The following WDR44 variants were observed in gnomAD, a reference collection of about 807,000 sequenced individuals.
The protein encoded by WDR44 is WD repeat domain 44, also known as WD repeat-containing protein 44.
In WDR44, 9 loss-of-function variants were observed where a neutral mutation model predicts 65.7. The observed-to-expected ratio is 0.14, with a 90% CI of 0.08 to 0.24. The LOEUF (loss-of-function observed/expected upper bound fraction) is 0.24. WDR44 is among the 10% of genes least tolerant of loss of function. The pLI is 1.00. For synonymous variants in WDR44, 220 were observed against 235.2 expected, an observed-to-expected ratio of 0.94 and a Z score of 0.59; for missense variants, 425 against 670.9, an observed-to-expected ratio of 0.63 and a Z score of 4.05.
chrX:118,446,974 A>G lies in WDR44; in HGVS notation c.2648-1919A>G, dbSNP rs531520598. 176 of 275,108 alleles carry G rather than the reference A, an allele frequency of 6.4e-4. 1 individual carries two copies. Among genetic ancestry groups the G allele is most frequent in the South Asian group, 5.7e-3 (158 of 27,670 alleles). The allele number at this position is 275,108 out of a possible 1,213,427, so 22.7% of individuals were successfully genotyped here. A position where few individuals can be genotyped will look rare whatever the true frequency, so the allele number is the denominator to read the frequency against. ...AACGTTGAACTCCTGTGCTCAAGCA[A>G]TCTTCCTGCCTCAGCATCCCGAGTA... is the stretch of plus-strand genomic sequence containing the variant. On this transcript the variant is annotated intron_variant, in intron 19 of 19. Transcript: ENST00000254029.
At chrX:118,414,257 C>CTTTTTTTTT (rs565805780) in intron 12 of WDR44, among the ~76,000 whole-genome samples, 7 of 46,693 alleles carry the variant, frequency 1.5e-4, no homozygotes, top group African/African-American at 3.1e-4. Flanking sequence ...CTTGCGATTG[C>CTTTTTTTTT]TTTTTTTTTT....
At position 118,378,363 on chromosome X, in the gene WDR44, G is replaced by A. The variant is rs368873392; in HGVS notation, c.78-56G>A. 17 of 1,000,043 alleles carry A rather than the reference G, an allele frequency of 1.7e-5. No individual in the cohort carries two copies. In the African/African-American group the frequency reaches 2.3e-4, roughly 13 times the overall value. The allele number at this position is 1,000,043 out of a possible 1,213,427, so 82.4% of individuals were successfully genotyped here. On this transcript the variant is annotated intron_variant, in intron 1 of 19. Transcript: ENST00000254029. ...ACTTGTCTGTAGTAAGTGTATAGAA[G>A]TATTTGTCTTCTCATCTCCTCTATT...
intron 2 of WDR44, among the ~76,000 whole-genome samples, chrX:118,378,736 T>G (rs755025756): frequency 8.2e-5 from 5 of 61,029 alleles, no homozygotes; most frequent in African/African-American, 7.3e-4. Context: ...GTGTGTGTGT[T>G]GAAAAAGTGA....
chrX:118,444,620 G>A (rs1351731969), intron 19 of WDR44, 126 bp downstream of exon 19: 1 of 842,509 alleles, frequency 1.2e-6, no homozygotes, highest in East Asian at 3.7e-5. Context: ...CTTAAGACAG[G>A]GTCTTGCTCT....
intron 8 of WDR44, among the ~76,000 whole-genome samples, chrX:118,402,845 A>G (rs1266506411): frequency 4.4e-5 from 5 of 112,643 alleles, no homozygotes; most frequent in African/African-American, 1.6e-4. Flanking sequence ...AATTGCACAG[A>G]TAAGTCTAGC....
intron 12 of WDR44, among the ~76,000 whole-genome samples, chrX:118,419,877 A>G (rs1425137393): frequency 8.9e-6 from 1 of 112,092 alleles, no homozygotes; most frequent in Non-Finnish European, 1.9e-5. Context: ...ATGATCATTC[A>G]TTGAAATATT....
chrX:118,375,462 G>T (rs1366149187), intron 1 of WDR44, among the ~76,000 whole-genome samples: 4 of 104,856 alleles, frequency 3.8e-5, no homozygotes, highest in African/African-American at 1.4e-4. Flanking sequence ...TGGGAGGATC[G>T]CTTGAAGCTA....
At chrX:118,407,502 CAA>C (rs11423108) in intron 10 of WDR44, among the ~76,000 whole-genome samples, 4 of 56,943 alleles carry the variant, frequency 7.0e-5, no homozygotes, top group Non-Finnish European at 1.4e-4. Context: ...AACTCCGTCT[CAA>C]AAAAAAAAAA....
At chrX:118,373,155 A>G (rs1294954293) in intron 1 of WDR44, among the ~76,000 whole-genome samples, 1 of 111,273 alleles carries the variant, frequency 9.0e-6, no homozygotes, top group Non-Finnish European at 1.9e-5. Flanking sequence ...GGAAGGAAAT[A>G]TAAAACTATA....
At chrX:118,351,542 A>G in intron 1 of WDR44, among the ~76,000 whole-genome samples, 1 of 112,493 alleles carries the variant, frequency 8.9e-6, no homozygotes, top group Non-Finnish European at 1.9e-5. Context: ...TGAAGGCTTT[A>G]AGGAGTGATA....
At chrX:118,408,266 C>T (rs887606640) in intron 10 of WDR44, among the ~76,000 whole-genome samples, 4 of 111,609 alleles carry the variant, frequency 3.6e-5, no homozygotes, top group African/African-American at 1.3e-4. Flanking sequence ...TTTCTCCCTG[C>T]TCCTCCACCC....
At position 118,415,125 on chromosome X, in the gene WDR44, A is replaced by G. The variant is rs184503344; in HGVS notation, c.1737+4166A>G. ...TTTGTCAAATGCTTTTTCTGCATCT[A>G]TTGAGATGATCATGTGATTTTTGTT... On this transcript the variant is annotated intron_variant, in intron 12 of 19. Transcript: ENST00000254029. Among the ~76,000 whole-genome samples, 303 of 112,040 alleles carry G rather than the reference A, an allele frequency of 2.7e-3. 1 individual carries two copies. The highest frequency in any genetic ancestry group is 9.0e-3 in the African/African-American group (278 of 30,775).
At chrX:118,442,194 A>G in intron 15 of WDR44, 50 bp from the exon 16 acceptor site, 1 of 1,076,396 alleles carries the variant, frequency 9.3e-7, no homozygotes, top group African/African-American at 1.8e-5. Context: ...GATACGAGCC[A>G]CCACACATGC....
chrX:118,364,298 A>G (rs7880326), intron 1 of WDR44, among the ~76,000 whole-genome samples: 14,775 of 111,325 alleles, frequency 0.13, 1,102 homozygotes, highest in African/African-American at 0.28. Flanking sequence ...GTTTTAAAGC[A>G]CTTCTAGCTC....
At chrX:118,387,634 G>A (rs982344660) in intron 3 of WDR44, among the ~76,000 whole-genome samples, 3 of 111,719 alleles carry the variant, frequency 2.7e-5, no homozygotes, top group Non-Finnish European at 5.6e-5. Context: ...ACAATATTTT[G>A]TAAAATGCTT....
intron 1 of WDR44, among the ~76,000 whole-genome samples, chrX:118,358,712 A>G (rs1473509743): frequency 9.0e-6 from 1 of 111,097 alleles, no homozygotes; most frequent in Non-Finnish European, 1.9e-5. Flanking sequence ...TAAAACAAAC[A>G]AAAAAGAAAA....
intron 3 of WDR44, among the ~76,000 whole-genome samples, chrX:118,390,419 T>C (rs963672604): frequency 9.0e-6 from 1 of 111,695 alleles, no homozygotes; most frequent in Non-Finnish European, 1.9e-5. Flanking sequence ...CAGGTACTAA[T>C]TATCTGGTGT....
At chrX:118,380,954 T>C (rs1341318586) in intron 2 of WDR44, among the ~76,000 whole-genome samples, 1 of 111,703 alleles carries the variant, frequency 9.0e-6, no homozygotes, top group Non-Finnish European at 1.9e-5. Flanking sequence ...GACTAATAAA[T>C]ATGCAAAAGC....
At chrX:118,387,483 CT>C in intron 3 of WDR44, 69 bp downstream of exon 3, 1 of 750,061 alleles carries the variant, frequency 1.3e-6, no homozygotes, top group Non-Finnish European at 1.9e-6. Flanking sequence ...TTTCAAACAG[CT>C]TTTATATTCT....
Sources: gnomAD v4.1 joint callset for allele counts (sites outside exome capture counted in the v4.1 genomes callset) on GRCh38, gnomAD v4.1.1 for gene constraint, MANE v1.5 for transcripts, NCBI Gene and HGNC (gene_info 2026-07-23, HGNC 2026-07-21) for gene names.